Variants in KIAA1328 observed in about 807,000 individuals in gnomAD.
KIAA1328 encodes protein hinderin.
Under a neutral mutation model 68.1 loss-of-function variants are expected in KIAA1328, and 52 were observed. That is an observed-to-expected ratio of 0.76 (90% CI 0.61 to 0.96). KIAA1328 has a LOEUF of 0.96. Among genes scored for constraint, KIAA1328 ranks in the 40% least tolerant of loss-of-function variants. The pLI is 0.00. For synonymous variants in KIAA1328, 232 were observed against 239.4 expected (o/e 0.97, Z 0.28); for missense variants, 641 against 677.6 (o/e 0.95, Z 0.60).
intron 7 of KIAA1328, among the ~76,000 whole-genome samples, chr18:37,111,706 G>A (rs2151904131): frequency 6.6e-6 from 1 of 152,290 alleles, no homozygotes; most frequent in Admixed American, 6.5e-5. Context: ...GGGAGTATGA[G>A]CCAAAGCAGG....
At chr18:36,938,621 G>A (rs774385468) in intron 5 of KIAA1328, among the ~76,000 whole-genome samples, 6 of 151,942 alleles carry the variant, frequency 3.9e-5, no homozygotes, top group Non-Finnish European at 5.9e-5. Flanking sequence ...CTTTACTTTC[G>A]TTGCCTGTTC....
Position 37,067,136 on chromosome 18 carries a change from G to A in KIAA1328, c.823G>A (p.Gly275Arg), listed in dbSNP as rs542158748. ...ETTTCNCESP[G>R]RKPAVPTEKM... ...CACAACATGTAATTGTGAATCTCCAGGGAGAAAACCTGCAGTCCCAACAGA... is the reference window on the plus strand; with the variant it reads ...CACAACATGTAATTGTGAATCTCCAAGGAGAAAACCTGCAGTCCCAACAGA... Residue 275 changes from glycine to arginine, a missense_variant, in exon 7 of 10, where the codon GGG (glycine) becomes AGG (arginine). Transcript: ENST00000280020. 4 of 1,613,996 alleles carry A rather than the reference G, an allele frequency of 2.5e-6. No homozygotes were observed. In the African/African-American group the frequency reaches 5.3e-5, roughly 22 times the overall value.
chr18:36,963,948 G>T (rs2051807043), intron 6 of KIAA1328, among the ~76,000 whole-genome samples: 1 of 152,038 alleles, frequency 6.6e-6, no homozygotes, highest in African/African-American at 2.4e-5. Context: ...CATACTACAT[G>T]TTAATACATA....
chr18:37,167,615 C>T (rs879406483), intron 8 of KIAA1328, among the ~76,000 whole-genome samples: 3 of 151,988 alleles, frequency 2.0e-5, no homozygotes, highest in South Asian at 2.1e-4. Context: ...TATGTTCTTC[C>T]GCTCCTCTCG....
downstream of KIAA1328, chr18:37,230,036 C>G (rs917785978): frequency 6.5e-6 from 1 of 152,972 alleles, no homozygotes; most frequent in Admixed American, 6.5e-5. Flanking sequence ...ATGTAACTCT[C>G]TCTGCCTCAC....
chr18:36,914,569 C>CTGGG (rs2049605021), intron 5 of KIAA1328, among the ~76,000 whole-genome samples: 3 of 151,788 alleles, frequency 2.0e-5, no homozygotes, highest in Non-Finnish European at 4.4e-5. Flanking sequence ...AAAATACAAA[C>CTGGG]ATTAGCCAGG....
chr18:37,083,528 GA>G (rs2057011396), intron 7 of KIAA1328, among the ~76,000 whole-genome samples: 1 of 152,206 alleles, frequency 6.6e-6, no homozygotes, highest in African/African-American at 2.4e-5. Context: ...ACTCCCGGTA[GA>G]AAACCTTTTG....
Position 37,138,148 on chromosome 18 carries a change from A to G in KIAA1328, c.1233-22052A>G, listed in dbSNP as rs750621788. On this transcript the variant is annotated intron_variant, in intron 7 of 9. Coordinates refer to ENST00000280020, the MANE Select transcript of KIAA1328 (RefSeq NM_020776.3). ...TAATAATGGAAGCCAGCATTTAGGTAGTGTATATGTGCTGAGCATTCTTTT... is the reference window on the plus strand; with the variant it reads ...TAATAATGGAAGCCAGCATTTAGGTGGTGTATATGTGCTGAGCATTCTTTT... Among the ~76,000 whole-genome samples, 8 of 152,218 alleles carry G rather than the reference A, an allele frequency of 5.3e-5. 1 individual carries two copies. Among genetic ancestry groups the G allele is most frequent in the African/African-American group, 1.7e-4 (7 of 41,462 alleles).
intron 4 of KIAA1328, among the ~76,000 whole-genome samples, chr18:36,878,037 G>T (rs1156602485): frequency 1.3e-5 from 2 of 152,074 alleles, no homozygotes; most frequent in African/African-American, 2.4e-5. Flanking sequence ...GTGTGAATTT[G>T]TTCCTATCAT....
At chr18:37,063,976 A>T (rs2151721982) in intron 6 of KIAA1328, among the ~76,000 whole-genome samples, 1 of 152,306 alleles carries the variant, frequency 6.6e-6, no homozygotes, top group Admixed American at 6.5e-5. Context: ...TTAGTAAAAG[A>T]TAGTTTACCA....
intron 6 of KIAA1328, among the ~76,000 whole-genome samples, chr18:36,968,497 A>G (rs1477212985): frequency 6.6e-6 from 1 of 151,812 alleles, no homozygotes; most frequent in African/African-American, 2.4e-5. Flanking sequence ...GACTTTAAAC[A>G]TCTTGCCTAG....
At chr18:37,026,474 A>G (rs1230665840) in intron 6 of KIAA1328, among the ~76,000 whole-genome samples, 1 of 152,236 alleles carries the variant, frequency 6.6e-6, no homozygotes, top group Non-Finnish European at 1.5e-5. Flanking sequence ...AAAATCCTCA[A>G]TAAAATACTG....
chr18:37,180,388 T>C (rs891403058), intron 9 of KIAA1328, among the ~76,000 whole-genome samples: 2 of 152,206 alleles, frequency 1.3e-5, no homozygotes, highest in Non-Finnish European at 2.9e-5. Context: ...TCAAAGTTTT[T>C]TCATTCTTCC....
At chr18:37,192,305 G>A (rs2059921824) in intron 9 of KIAA1328, among the ~76,000 whole-genome samples, 1 of 152,060 alleles carries the variant, frequency 6.6e-6, no homozygotes, top group Non-Finnish European at 1.5e-5. Context: ...CTTTGAAAGT[G>A]TAAAAAATTG....
At chr18:36,976,218 T>C (rs2052466184) in intron 6 of KIAA1328, among the ~76,000 whole-genome samples, 1 of 152,222 alleles carries the variant, frequency 6.6e-6, no homozygotes, top group Non-Finnish European at 1.5e-5. Flanking sequence ...GCTATAATTT[T>C]GGACAGTGTA....
chr18:36,898,664 G>T (rs56391099), intron 5 of KIAA1328, among the ~76,000 whole-genome samples: 20,617 of 151,818 alleles, frequency 0.14, 1,733 homozygotes, highest in Admixed American at 0.18. Context: ...GTATAGTGAC[G>T]CCGCAGATTA....
At chr18:37,167,970 A>G (rs532668341) in intron 8 of KIAA1328, among the ~76,000 whole-genome samples, 2 of 152,148 alleles carry the variant, frequency 1.3e-5, no homozygotes, top group African/African-American at 4.8e-5. Context: ...AATATACTTA[A>G]CAAAATACTA....
intron 6 of KIAA1328, among the ~76,000 whole-genome samples, chr18:37,050,674 C>A (rs1410955689): frequency 6.6e-6 from 1 of 152,154 alleles, no homozygotes; most frequent in Non-Finnish European, 1.5e-5. Flanking sequence ...TTGTCTTCTT[C>A]AACTTTCAGT....
intron 9 of KIAA1328, among the ~76,000 whole-genome samples, chr18:37,206,994 G>A (rs1305047699): frequency 6.6e-6 from 1 of 152,180 alleles, no homozygotes. Flanking sequence ...TCCTTAGGCA[G>A]TGGTGATAAG....
Sources: allele counts gnomAD v4.1 joint callset (sites outside exome capture counted in the v4.1 genomes callset), GRCh38; gene constraint gnomAD v4.1.1; transcripts MANE v1.5; gene names NCBI Gene and HGNC (gene_info 2026-07-23, HGNC 2026-07-21).